Variants in HNRNPR observed in about 807,000 individuals in gnomAD.
HNRNPR encodes heterogeneous nuclear ribonucleoprotein R.
Under a neutral mutation model 70.3 loss-of-function variants are expected in HNRNPR, and 4 were observed. That is an observed-to-expected ratio of 0.06 (90% CI 0.03 to 0.13). The LOEUF (loss-of-function observed/expected upper bound fraction) is 0.13. Ranked by LOEUF, HNRNPR falls within the 10% of genes least tolerant of loss-of-function variation. The pLI is 1.00. For synonymous variants in HNRNPR, 241 were observed against 267.6 expected (o/e 0.90, Z 0.97); for missense variants, 423 against 788.5 (o/e 0.54, Z 5.55).
chr1:23,330,049 T>G (rs1646151531), intron 5 of HNRNPR, among the ~76,000 whole-genome samples: 1 of 152,204 alleles, frequency 6.6e-6, no homozygotes, highest in African/African-American at 2.4e-5. Context: ...CACAAAGTCA[T>G]ATACTTTAGG....
rs896089528 is a variant in HNRNPR, at chr1:23,304,904, T to C, written c.*5550A>G. ...GGAGCCTTCAGTCCAATTATAGAAA[T>C]AGTCTTAGAACATAGTACCTAACAT... is the stretch of plus-strand genomic sequence containing the variant. On this transcript the variant is annotated 3_prime_UTR_variant, in exon 11 of 11. Coordinates refer to ENST00000302271, the MANE Select transcript of HNRNPR (RefSeq NM_005826.5). 3.9e-5 allele frequency: 6 copies of C among 152,180 alleles called. No homozygotes were observed. Among genetic ancestry groups the C allele is most frequent in the African/African-American group, 1.4e-4 (6 of 41,426 alleles). 9.4% of individuals were successfully genotyped at this position (152,180 alleles called of 1,614,324 possible). A position where few individuals can be genotyped will look rare whatever the true frequency, so the allele number is the denominator to read the frequency against.
intron 5 of HNRNPR, among the ~76,000 whole-genome samples, chr1:23,326,558 G>A (rs1014812607): frequency 2.6e-5 from 4 of 152,160 alleles, no homozygotes; most frequent in African/African-American, 7.2e-5. Context: ...GCTGAGACGG[G>A]CGGAATACTT....
intron 6 of HNRNPR, among the ~76,000 whole-genome samples, chr1:23,322,109 A>C (rs1046458225): frequency 2.0e-5 from 3 of 152,228 alleles, no homozygotes; most frequent in African/African-American, 7.2e-5. Flanking sequence ...CAAATTCTAC[A>C]GAAGTCACAG....
rs892825968 is a variant in HNRNPR at position 23,310,208 on chromosome 1, C to T, written c.*246G>A. ...TTTGAAGCTAAAATGAAGCCTGAAA[C>T]GATAAAAGCATTGTAATCCCCAGAA... On this transcript the variant is annotated 3_prime_UTR_variant, in exon 11 of 11. Transcript: ENST00000302271. This position sits in a 1 kb window ranked among gnomAD's most constrained non-coding sequence, Gnocchi z 6.0. The T allele has an allele frequency of 1.2e-5, 4 of 346,136 alleles. No individual in the cohort carries two copies. Among genetic ancestry groups the T allele is most frequent in the African/African-American group, 6.4e-5 (3 of 46,758 alleles). The allele number at this position is 346,136 out of a possible 1,614,324, so 21.4% of individuals were successfully genotyped here.
intron 7 of HNRNPR, among the ~76,000 whole-genome samples, chr1:23,319,360 T>G (rs1645669783): frequency 6.6e-6 from 1 of 152,218 alleles, no homozygotes; most frequent in Admixed American, 6.5e-5. Context: ...TGAACCACCA[T>G]GGCCAAAATC....
chr1:23,335,127 C>G (rs1182704697), intron 4 of HNRNPR, among the ~76,000 whole-genome samples: 1 of 152,122 alleles, frequency 6.6e-6, no homozygotes, highest in African/African-American at 2.4e-5. Flanking sequence ...CCGTTGTTAG[C>G]CAGGATGGTC....
intron 6 of HNRNPR, 126 bp downstream of exon 6, chr1:23,323,430 G>T (rs1484932139): frequency 1.2e-6 from 1 of 800,680 alleles, no homozygotes; most frequent in Admixed American, 2.7e-5. Context: ...TACCAACTTG[G>T]TCAGTATAAA....
At chr1:23,327,050 TTC>T (rs370105935) in intron 5 of HNRNPR, among the ~76,000 whole-genome samples, 19 of 152,304 alleles carry the variant, frequency 1.2e-4, no homozygotes, top group Non-Finnish European at 1.9e-4. Flanking sequence ...AGAATATAAT[TTC>T]TGTTTCTCTC....
chr1:23,321,555 T>C lies in HNRNPR; in HGVS notation c.784A>G (p.Ile262Val), dbSNP rs1392716075. 1 of 1,612,182 alleles carries C rather than the reference T, an allele frequency of 6.2e-7. No homozygotes were observed. The highest frequency in any genetic ancestry group is 8.5e-7 in the Non-Finnish European group (1 of 1,179,304). The change falls in exon 7 of 11, where the codon ATT becomes GTT. Residue 262 changes from isoleucine to valine, a missense_variant. Physicochemically the swap from Ile to Val is conservative, Grantham distance 29 (BLOSUM62 3). This residue lies in a region of HNRNPR where 118 missense variants were observed against 239.3 expected (regional missense o/e 0.49). Transcript: ENST00000302271. ...GTGACTTTACTGAATTCTTCCAAAATGTTTTCTTTAGTCTTATTCTTCGGA... is the reference window on the plus strand; with the variant it reads ...GTGACTTTACTGAATTCTTCCAAAACGTTTTCTTTAGTCTTATTCTTCGGA... ...SIPKNKTKEN[I>V]LEEFSKVTEG...
rs542165508 is a variant in HNRNPR at position 23,337,618 on chromosome 1, C to A, written c.384+136G>T. 2.4e-5 allele frequency: 14 copies of A among 581,182 alleles called. No homozygotes were observed. The East Asian group carries it at 3.8e-4, about 16-fold the overall frequency. The allele number at this position is 581,182 out of a possible 1,614,324, so 36.0% of individuals were successfully genotyped here. On this transcript the variant is annotated intron_variant, in intron 4 of 10. Transcript: ENST00000302271. ...CTTGCAGTGATCCAAGACTGCGCCG[C>A]TACTCCAGCCTGGGCGACAGAGCAA...
rs1347629253 is a variant in HNRNPR at position 23,305,480 on chromosome 1, C to G, written c.*4974G>C. On this transcript the variant is annotated 3_prime_UTR_variant, in exon 11 of 11. Transcript: ENST00000302271. Reference sequence around the variant, plus strand: ...AGGAAAGTCTTTCTAGACTGATATTCTCAACCAATAAAGAAGATACAGTGC... The same window carrying G: ...AGGAAAGTCTTTCTAGACTGATATTGTCAACCAATAAAGAAGATACAGTGC... 1 of 152,132 alleles carries G rather than the reference C, an allele frequency of 6.6e-6. No individual in the cohort carries two copies. The highest frequency in any genetic ancestry group is 1.9e-4 in the East Asian group (1 of 5,202). The allele number at this position is 152,132 out of a possible 1,614,324, so 9.4% of individuals were successfully genotyped here. A position where few individuals can be genotyped will look rare whatever the true frequency, so the allele number is the denominator to read the frequency against.
At chr1:23,330,237 C>T (rs1219692227) in intron 5 of HNRNPR, among the ~76,000 whole-genome samples, 5 of 151,974 alleles carry the variant, frequency 3.3e-5, no homozygotes, top group Admixed American at 3.3e-4. Context: ...TTAATGGAAA[C>T]GAGTACAAAC....
chr1:23,314,351 A>T (rs1034431194), intron 8 of HNRNPR, among the ~76,000 whole-genome samples: 1 of 152,194 alleles, frequency 6.6e-6, no homozygotes, highest in Non-Finnish European at 1.5e-5. Flanking sequence ...TCTAGGAGCC[A>T]TAAGAATGTT....
chr1:23,341,932 A>T (rs114187127), intron 1 of HNRNPR, among the ~76,000 whole-genome samples: 1 of 152,344 alleles, frequency 6.6e-6, no homozygotes, highest in Non-Finnish European at 1.5e-5. Context: ...GAAGAGAGAG[A>T]GTAAACAATA....
At chr1:23,335,768 T>C (rs1051190677) in intron 4 of HNRNPR, among the ~76,000 whole-genome samples, 2 of 152,162 alleles carry the variant, frequency 1.3e-5, no homozygotes, top group South Asian at 2.1e-4. Context: ...TCATTACATA[T>C]TACAATGTAA....
intron 5 of HNRNPR, among the ~76,000 whole-genome samples, chr1:23,328,068 A>C (rs1050316513): frequency 1.3e-5 from 2 of 152,178 alleles, no homozygotes. Flanking sequence ...GAACAGGTAC[A>C]AAAGGCCATG....
intron 5 of HNRNPR, among the ~76,000 whole-genome samples, chr1:23,325,246 C>G (rs1645924592): frequency 6.6e-6 from 1 of 152,134 alleles, no homozygotes; most frequent in Non-Finnish European, 1.5e-5. Context: ...TCATCTACAT[C>G]ACCATTTCAC....
At position 23,310,484 on chromosome 1, in the gene HNRNPR, A is replaced by G. The variant is rs1645286823; in HGVS notation, c.1872T>C (p.Tyr624=). The change falls in exon 11 of 11, where the codon TAT becomes TAC. Residue 624 remains tyrosine, a synonymous_variant. Coordinates refer to ENST00000302271, the MANE Select transcript of HNRNPR (RefSeq NM_005826.5). The surrounding 1 kb of genome is among the most constrained non-coding windows in gnomAD (Gnocchi z 6.0). The stretch of plus-strand genomic sequence containing the variant: ...TCCACTGTTGCCCATAAGTATCCTG[A>G]TAAAATTCCTGGTTGTCATTATTGT... The part of the protein sequence containing the change: ...YGYNNDNQEF[Y]QDTYGQQWK The G allele has an allele frequency of 6.2e-7, 1 of 1,610,396 alleles. No homozygotes were observed. Among genetic ancestry groups the G allele is most frequent in the African/African-American group, 1.3e-5 (1 of 74,910 alleles).
chr1:23,337,544 C>T (rs1646544325), intron 4 of HNRNPR, among the ~76,000 whole-genome samples: 1 of 151,826 alleles, frequency 6.6e-6, no homozygotes, highest in Non-Finnish European at 1.5e-5. Flanking sequence ...GTAATCCCAG[C>T]TACTTGGGAG....
Sources: allele counts gnomAD v4.1 joint callset (sites outside exome capture counted in the v4.1 genomes callset), GRCh38; gene constraint gnomAD v4.1.1; regional missense constraint gnomAD v4.1.1; non-coding constraint Gnocchi (gnomAD v3.1); transcripts MANE v1.5; gene names NCBI Gene and HGNC (gene_info 2026-07-23, HGNC 2026-07-21).